Variants in AMPH observed in about 807,000 individuals in gnomAD.
AMPH encodes the protein amphiphysin (Stiff-Mann syndrome with breast cancer 128kD autoantigen).
AMPH carries 49 observed loss-of-function variants against 99.1 expected under a neutral mutation model. The ratio of observed to expected loss-of-function variants is 0.49; its 90% confidence interval spans 0.39 to 0.63. The LOEUF is 0.63. AMPH is among the 20% of genes least tolerant of loss of function. The probability of loss-of-function intolerance (pLI) is 0.00; values close to 1 mark genes in which losing one functional copy is unlikely to be tolerated. For missense variants in AMPH, 759 were observed against 863.4 expected (o/e 0.88, Z 1.52); for synonymous variants, 314 against 317.3 (o/e 0.99, Z 0.11).
chr7:38,475,849 AT>A (rs762170319), intron 6 of AMPH, among the ~76,000 whole-genome samples: 42 of 152,192 alleles, frequency 2.8e-4, no homozygotes, highest in Non-Finnish European at 5.6e-4. Flanking sequence ...AGAGAAGGTA[AT>A]TTTTTAACTG....
chr7:38,477,042 A>G, intron 5 of AMPH, 73 bp from the exon 6 acceptor site: 1 of 1,370,786 alleles, frequency 7.3e-7, no homozygotes, highest in South Asian at 1.2e-5. Context: ...CCAGGTGCCA[A>G]AATGCTTTCC....
chr7:38,615,325 A>T (rs1375037355), intron 1 of AMPH, among the ~76,000 whole-genome samples: 1 of 152,164 alleles, frequency 6.6e-6, no homozygotes, highest in African/African-American at 2.4e-5. Flanking sequence ...GAAACACCCA[A>T]TTCTTTATTC....
chr7:38,564,348 T>C (rs1433381594), intron 1 of AMPH, among the ~76,000 whole-genome samples: 2 of 152,008 alleles, frequency 1.3e-5, no homozygotes, highest in Admixed American at 1.3e-4. Flanking sequence ...GTGTGAGAGA[T>C]GGGAGGGCTG....
At chr7:38,549,742 C>T (rs902062482) in intron 1 of AMPH, among the ~76,000 whole-genome samples, 1 of 152,128 alleles carries the variant, frequency 6.6e-6, no homozygotes, top group African/African-American at 2.4e-5. Flanking sequence ...TAGAAAAAAG[C>T]TGGACTGTTT....
intron 17 of AMPH, among the ~76,000 whole-genome samples, chr7:38,406,757 T>TCTCTCTCC (rs1785017839): frequency 6.9e-6 from 1 of 144,634 alleles, no homozygotes; most frequent in African/African-American, 2.7e-5. Flanking sequence ...TCTCTCTCTC[T>TCTCTCTCC]CTCTCTCTCT....
intron 11 of AMPH, among the ~76,000 whole-genome samples, chr7:38,450,501 G>A (rs1418860387): frequency 6.6e-6 from 1 of 152,148 alleles, no homozygotes; most frequent in Non-Finnish European, 1.5e-5. Context: ...CTGAGAGCCT[G>A]TACCAGGACT....
intron 1 of AMPH, among the ~76,000 whole-genome samples, chr7:38,539,798 C>T (rs76023271): frequency 0.023 from 3,558 of 152,264 alleles, 165 homozygotes; most frequent in African/African-American, 0.081. Flanking sequence ...AGGCAAAGAC[C>T]ATGATGTGCA....
chr7:38,390,961 CAGAGAGAGAGAGAG>C (rs199667568), intron 19 of AMPH, among the ~76,000 whole-genome samples: 8,307 of 129,140 alleles, frequency 0.064, 240 homozygotes, highest in Middle Eastern at 0.12. Flanking sequence ...GAGACAAAGA[CAGAGAGAGAGAGAG>C]AGAGAGAGAG....
chr7:38,407,894 TTC>T (rs1785097593), intron 17 of AMPH, among the ~76,000 whole-genome samples: 1 of 152,180 alleles, frequency 6.6e-6, no homozygotes, highest in African/African-American at 2.4e-5. Context: ...ATAAGCAGGT[TTC>T]TGCTTGACAG....
intron 8 of AMPH, 92 bp downstream of exon 8, chr7:38,466,081 T>A: frequency 9.8e-7 from 1 of 1,015,570 alleles, no homozygotes; most frequent in Non-Finnish European, 1.5e-6. Flanking sequence ...AAGGGTGAAT[T>A]CTTTGGATAA....
At chr7:38,515,644 T>C (rs1255832749) in intron 2 of AMPH, among the ~76,000 whole-genome samples, 1 of 152,156 alleles carries the variant, frequency 6.6e-6, no homozygotes, top group Admixed American at 6.5e-5. Flanking sequence ...CAGTGGGGCA[T>C]TGCTATAAAG....
intron 16 of AMPH, among the ~76,000 whole-genome samples, chr7:38,419,489 T>G (rs535282981): frequency 3.3e-5 from 5 of 152,338 alleles, no homozygotes; most frequent in Non-Finnish European, 5.9e-5. Flanking sequence ...GACATAATTT[T>G]TAAGGAAGAA....
chr7:38,461,393 C>G lies in AMPH; in HGVS notation c.907G>C (p.Val303Leu), dbSNP rs1313652435. The change falls in exon 11 of 21, where the codon GTC (valine) becomes CTC (leucine). Residue 303 changes from valine to leucine, a missense_variant. This residue lies in a region of AMPH where 554 missense variants were observed against 575.6 expected (regional missense o/e 0.96). Coordinates refer to ENST00000356264, the MANE Select transcript of AMPH (RefSeq NM_001635.4). The stretch of plus-strand genomic sequence containing the variant: ...GGGGTGACTTTAGGTAGAGGTGGGA[C>G]AGGAGGCCCTTTCCTTGTCTAGGAA... The part of the protein sequence containing the change: ...SPSQTRKGPP[V>L]PPLPKVTPTK... The G allele has an allele frequency of 6.2e-7, 1 of 1,614,176 alleles. No individual in the cohort carries two copies. Among genetic ancestry groups the G allele is most frequent in the Non-Finnish European group, 8.5e-7 (1 of 1,179,994 alleles).
chr7:38,540,089 G>A (rs1356706079), intron 1 of AMPH, among the ~76,000 whole-genome samples: 1 of 152,188 alleles, frequency 6.6e-6, no homozygotes, highest in East Asian at 1.9e-4. Flanking sequence ...GGATTACTAT[G>A]TATTTATGTA....
intron 1 of AMPH, among the ~76,000 whole-genome samples, chr7:38,541,411 T>G (rs1790805598): frequency 6.6e-6 from 1 of 152,186 alleles, no homozygotes; most frequent in Non-Finnish European, 1.5e-5. Flanking sequence ...GAAGTGGATT[T>G]AATTTGCCCT....
At chr7:38,491,026 C>T in intron 5 of AMPH, 24 bp downstream of exon 5, 1 of 1,518,586 alleles carries the variant, frequency 6.6e-7, no homozygotes, top group Non-Finnish European at 9.1e-7. Flanking sequence ...CAATCCTTCC[C>T]TTTATAGACA....
intron 2 of AMPH, among the ~76,000 whole-genome samples, chr7:38,520,950 T>A (rs1055525228): frequency 2.0e-5 from 3 of 152,136 alleles, no homozygotes; most frequent in African/African-American, 7.2e-5. Flanking sequence ...ACGGGATCCC[T>A]AAAGAGAAAA....
intron 1 of AMPH, among the ~76,000 whole-genome samples, chr7:38,587,188 C>T (rs1792685693): frequency 6.6e-6 from 1 of 152,162 alleles, no homozygotes; most frequent in South Asian, 2.1e-4. Context: ...AATCAAGGAG[C>T]TGTGGCCATG....
At chr7:38,591,404 C>A (rs1470494803) in intron 1 of AMPH, among the ~76,000 whole-genome samples, 1 of 151,758 alleles carries the variant, frequency 6.6e-6, no homozygotes, top group Non-Finnish European at 1.5e-5. Context: ...TCTCCTGCCT[C>A]AGCCTCCCTA....
Sources: gnomAD v4.1 joint callset for allele counts (sites outside exome capture counted in the v4.1 genomes callset) on GRCh38, gnomAD v4.1.1 for gene constraint, gnomAD v4.1.1 regional missense constraint, MANE v1.5 for transcripts, NCBI Gene and HGNC (gene_info 2026-07-23, HGNC 2026-07-21) for gene names.